Variants in COG5 observed in about 807,000 individuals in gnomAD.
COG5 encodes conserved oligomeric Golgi complex subunit 5.
A neutral mutation model predicts 110.4 loss-of-function variants in COG5; 86 were observed. The observed-to-expected ratio is 0.78, with a 90% confidence interval of 0.65 to 0.93. The LOEUF (loss-of-function observed/expected upper bound fraction) is 0.93, where lower values mean the gene tolerates loss of function less well. COG5 is among the 40% of genes least tolerant of loss of function. COG5 has a pLI of 0.00. For synonymous variants in COG5, 360 were observed against 334.6 expected (o/e 1.08, Z -0.83); for missense variants, 1,077 against 987.0 (o/e 1.09, Z -1.22).
At chr7:107,506,345 CAA>C (rs937746192) in intron 6 of COG5, among the ~76,000 whole-genome samples, 1 of 152,096 alleles carries the variant, frequency 6.6e-6, no homozygotes, top group Non-Finnish European at 1.5e-5. Flanking sequence ...ATAAAGCTCC[CAA>C]AAGTTTCTGT....
intron 6 of COG5, among the ~76,000 whole-genome samples, chr7:107,437,571 T>C (rs974359432): frequency 5.3e-5 from 8 of 152,192 alleles, no homozygotes; most frequent in Non-Finnish European, 1.2e-4. Flanking sequence ...ACAACTATTA[T>C]TGAATAGCTA....
intron 14 of COG5, among the ~76,000 whole-genome samples, chr7:107,280,824 A>G (rs1805107458): frequency 6.6e-6 from 1 of 151,998 alleles, no homozygotes; most frequent in African/African-American, 2.4e-5. Context: ...AATCTTTAAA[A>G]AGTAAATAAA....
intron 16 of COG5, 140 bp downstream of exon 16, chr7:107,256,591 TC>T (rs1280124414): frequency 1.1e-5 from 7 of 650,478 alleles, no homozygotes; most frequent in Non-Finnish European, 1.9e-5. Flanking sequence ...TTATCTATTC[TC>T]TTTAGGATAA....
At chr7:107,482,728 C>G (rs1289761061) in intron 6 of COG5, among the ~76,000 whole-genome samples, 1 of 152,062 alleles carries the variant, frequency 6.6e-6, no homozygotes, top group Non-Finnish European at 1.5e-5. Flanking sequence ...ACAAGGTTAT[C>G]TAGACAAAAG....
intron 11 of COG5, among the ~76,000 whole-genome samples, chr7:107,298,557 T>C (rs1372380619): frequency 6.6e-6 from 1 of 152,074 alleles, no homozygotes; most frequent in Non-Finnish European, 1.5e-5. Context: ...TGAAACCTAA[T>C]CTATATTTAA....
intron 6 of COG5, among the ~76,000 whole-genome samples, chr7:107,414,667 A>G (rs1015806406): frequency 2.8e-5 from 4 of 142,152 alleles, no homozygotes; most frequent in African/African-American, 1.0e-4. Context: ...TTTGCAATAG[A>G]AAATGTCTTT....
intron 6 of COG5, among the ~76,000 whole-genome samples, chr7:107,425,959 A>G (rs986603809): frequency 6.6e-6 from 1 of 152,204 alleles, no homozygotes; most frequent in African/African-American, 2.4e-5. Flanking sequence ...CACATGGAGA[A>G]TGCTATGTGA....
intron 6 of COG5, among the ~76,000 whole-genome samples, chr7:107,449,702 T>C (rs1031916537): frequency 2.6e-5 from 4 of 152,326 alleles, no homozygotes; most frequent in Non-Finnish European, 4.4e-5. Context: ...TTGCTTGATA[T>C]GTGCTGAATT....
intron 10 of COG5, among the ~76,000 whole-genome samples, chr7:107,335,315 G>A (rs1313355211): frequency 2.6e-5 from 4 of 152,192 alleles, no homozygotes; most frequent in African/African-American, 9.6e-5. Flanking sequence ...ACTTGAACCC[G>A]GGAAGTGGAG....
At chr7:107,352,483 T>A (rs1226096103) in intron 10 of COG5, among the ~76,000 whole-genome samples, 4 of 145,766 alleles carry the variant, frequency 2.7e-5, no homozygotes, top group East Asian at 2.0e-4. Flanking sequence ...AAAAAAAAAA[T>A]GGTCCTTTGC....
intron 14 of COG5, among the ~76,000 whole-genome samples, chr7:107,268,027 G>A (rs1020146063): frequency 6.6e-6 from 1 of 152,156 alleles, no homozygotes; most frequent in African/African-American, 2.4e-5. Flanking sequence ...GAAGTGCAAT[G>A]GCACAATCTC....
chr7:107,487,555 T>A (rs1012027854), intron 6 of COG5, among the ~76,000 whole-genome samples: 5 of 152,020 alleles, frequency 3.3e-5, no homozygotes, highest in African/African-American at 9.7e-5. Context: ...CTATGAGTAT[T>A]TTTCACATTA....
At chr7:107,366,794 C>A (rs776883711) in intron 8 of COG5, among the ~76,000 whole-genome samples, 3 of 152,108 alleles carry the variant, frequency 2.0e-5, no homozygotes, top group Non-Finnish European at 4.4e-5. Context: ...TTATCCAATT[C>A]TCCCCATGTG....
chr7:107,360,900 C>A (rs2129045700), intron 10 of COG5, among the ~76,000 whole-genome samples: 1 of 152,324 alleles, frequency 6.6e-6, no homozygotes, highest in Middle Eastern at 3.4e-3. Flanking sequence ...GCCCAGCGGG[C>A]ATGAGCGATA....
At chr7:107,376,378 A>G (rs1304075493) in intron 7 of COG5, among the ~76,000 whole-genome samples, 1 of 151,970 alleles carries the variant, frequency 6.6e-6, no homozygotes, top group African/African-American at 2.4e-5. Flanking sequence ...GAAATAATGG[A>G]TATCTTTGTA....
At chr7:107,468,778 G>A (rs1425355677) in intron 6 of COG5, among the ~76,000 whole-genome samples, 1 of 151,910 alleles carries the variant, frequency 6.6e-6, no homozygotes, top group African/African-American at 2.4e-5. Context: ...TATACATTTT[G>A]AAAAATGAAG....
At chr7:107,298,036 A>G (rs1184427538) in intron 12 of COG5, 106 bp downstream of exon 12, 8 of 468,112 alleles carry the variant, frequency 1.7e-5, no homozygotes, top group Non-Finnish European at 2.7e-5. Context: ...ATATTTAGAG[A>G]CTTGGTATAT....
intron 11 of COG5, among the ~76,000 whole-genome samples, chr7:107,320,242 T>C (rs1291576649): frequency 1.3e-4 from 20 of 152,244 alleles, no homozygotes; most frequent in Admixed American, 1.2e-3. Context: ...TATGCTGGAA[T>C]AATTACTTAT....
chr7:107,353,376 G>A (rs563361306), intron 10 of COG5, among the ~76,000 whole-genome samples: 289 of 133,142 alleles, frequency 2.2e-3, no homozygotes, highest in Admixed American at 3.9e-3. Context: ...AGTGAGCCGA[G>A]ATCCCGCCAC....
Sources: gnomAD v4.1 joint callset for allele counts (sites outside exome capture counted in the v4.1 genomes callset) on GRCh38, gnomAD v4.1.1 for gene constraint, MANE v1.5 for transcripts, NCBI Gene and HGNC (gene_info 2026-07-23, HGNC 2026-07-21) for gene names.